Variants in TCF12 observed in about 807,000 individuals in gnomAD.
TCF12 encodes transcription factor 12, also known as DNA-binding protein HTF4.
Under a neutral mutation model 86.0 loss-of-function variants are expected in TCF12, and 45 were observed. The ratio of observed to expected loss-of-function variants is 0.52; its 90% CI spans 0.41 to 0.67. The LOEUF (loss-of-function observed/expected upper bound fraction) is 0.67, where lower values mean the gene tolerates loss of function less well. TCF12 is among the 30% of genes least tolerant of loss of function. The pLI is 0.00. For missense variants in TCF12, 881 were observed against 859.9 expected (o/e 1.02, Z -0.31); for synonymous variants, 330 against 299.6 (o/e 1.10, Z -1.05).
chr15:56,966,701 T>A (rs1382534494), intron 3 of TCF12, among the ~76,000 whole-genome samples: 2 of 152,218 alleles, frequency 1.3e-5, no homozygotes, highest in Non-Finnish European at 2.9e-5. Flanking sequence ...TTTTCTCACA[T>A]AGCAAAATTT....
intron 5 of TCF12, among the ~76,000 whole-genome samples, chr15:57,119,852 A>G (rs1291489749): frequency 6.6e-6 from 1 of 152,136 alleles, no homozygotes; most frequent in Admixed American, 6.5e-5. Context: ...AGTTGTTTAC[A>G]TTACTACATT....
intron 4 of TCF12, among the ~76,000 whole-genome samples, chr15:57,081,857 C>T (rs1567384168): frequency 6.6e-6 from 1 of 152,204 alleles, no homozygotes; most frequent in Non-Finnish European, 1.5e-5. Flanking sequence ...GCAAAAGCCA[C>T]TGCACCCGGC....
intron 3 of TCF12, among the ~76,000 whole-genome samples, chr15:56,990,561 TA>T (rs1278022311): frequency 4.6e-5 from 7 of 152,014 alleles, no homozygotes; most frequent in African/African-American, 1.7e-4. Flanking sequence ...AATCAGCAAT[TA>T]AAAAAATATT....
At chr15:56,984,681 T>A (rs1595967765) in intron 3 of TCF12, among the ~76,000 whole-genome samples, 1 of 152,176 alleles carries the variant, frequency 6.6e-6, no homozygotes, top group African/African-American at 2.4e-5. Flanking sequence ...ACCTTGCCTG[T>A]TAAAAAATGT....
intron 3 of TCF12, among the ~76,000 whole-genome samples, chr15:57,042,096 CT>C (rs2066931503): frequency 1.3e-5 from 2 of 152,070 alleles, no homozygotes; most frequent in Admixed American, 6.6e-5. Flanking sequence ...ACAAAAGTAC[CT>C]TTTACCTTAT....
At chr15:57,022,416 G>A (rs562362053) in intron 3 of TCF12, among the ~76,000 whole-genome samples, 31 of 152,232 alleles carry the variant, frequency 2.0e-4, no homozygotes, top group Non-Finnish European at 4.1e-4. Flanking sequence ...TTATGGCTGC[G>A]TAGTATTCCA....
intron 4 of TCF12, among the ~76,000 whole-genome samples, chr15:57,074,079 TCTTA>T (rs773439117): frequency 8.5e-5 from 13 of 152,112 alleles, no homozygotes; most frequent in African/African-American, 1.9e-4. Flanking sequence ...GGTACTGCCA[TCTTA>T]CTTCTTATAA....
chr15:57,051,422 G>T (rs1003247509), intron 3 of TCF12, among the ~76,000 whole-genome samples: 29 of 152,092 alleles, frequency 1.9e-4, no homozygotes, highest in Non-Finnish European at 1.5e-5. Flanking sequence ...TTTCCCATCC[G>T]TAATTTCCAG....
chr15:57,197,840 T>G lies in TCF12; in HGVS notation c.579+15T>G, dbSNP rs760053015. On this transcript the variant is annotated intron_variant, in intron 8 of 20. Transcript: ENST00000333725. ...TGCCTTCTTCTGTAAGTACCTATCT[T>G]TTTTTAACTTGATGGTAAACAAACT... 5.6e-6 allele frequency: 9 copies of G among 1,612,838 alleles called. No homozygotes were observed. The highest frequency in any genetic ancestry group is 7.6e-6 in the Non-Finnish European group (9 of 1,179,616).
intron 13 of TCF12, among the ~76,000 whole-genome samples, chr15:57,249,006 A>AC (rs1323282630): frequency 6.6e-6 from 1 of 152,344 alleles, no homozygotes; most frequent in East Asian, 1.9e-4. Context: ...GGCTTCTGTT[A>AC]CGGGGGGGCT....
At chr15:57,097,010 A>C (rs1303486852) in intron 5 of TCF12, among the ~76,000 whole-genome samples, 1 of 152,042 alleles carries the variant, frequency 6.6e-6, no homozygotes, top group African/African-American at 2.4e-5. Context: ...TTTTATTTCC[A>C]TTTCATTGTA....
At chr15:57,033,234 G>A (rs1217935191) in intron 3 of TCF12, among the ~76,000 whole-genome samples, 1 of 152,016 alleles carries the variant, frequency 6.6e-6, no homozygotes, top group African/African-American at 2.4e-5. Context: ...AAAATAGTGT[G>A]ATGCAAAAAA....
At chr15:57,114,478 TG>T (rs1336417309) in intron 5 of TCF12, among the ~76,000 whole-genome samples, 24 of 152,224 alleles carry the variant, frequency 1.6e-4, no homozygotes, top group African/African-American at 5.8e-4. Flanking sequence ...TTTATTTTTT[TG>T]TGGAGATGGG....
At chr15:57,149,907 G>A (rs79015942) in intron 5 of TCF12, among the ~76,000 whole-genome samples, 6,280 of 152,116 alleles carry the variant, frequency 0.041, 362 homozygotes, top group African/African-American at 0.13. Flanking sequence ...CTTTAAAGGG[G>A]GTGTGTGAAA....
At chr15:57,246,880 G>A in intron 13 of TCF12, 1 of 431,872 alleles carries the variant, frequency 2.3e-6, no homozygotes, top group Non-Finnish European at 4.5e-6. Flanking sequence ...TCGGACAACT[G>A]TCTCAAAGTA....
chr15:57,155,352 A>G (rs566815141), intron 5 of TCF12, among the ~76,000 whole-genome samples: 1 of 152,294 alleles, frequency 6.6e-6, no homozygotes, highest in South Asian at 2.1e-4. Context: ...TCACAAATCA[A>G]CTTTGGATTA....
intron 5 of TCF12, among the ~76,000 whole-genome samples, chr15:57,121,392 G>A (rs549149685): frequency 6.6e-6 from 1 of 152,300 alleles, no homozygotes; most frequent in South Asian, 2.1e-4. Flanking sequence ...GATGGTATCT[G>A]CTCCAAAATT....
chr15:57,127,195 C>T (rs2051725694), intron 5 of TCF12, among the ~76,000 whole-genome samples: 1 of 152,032 alleles, frequency 6.6e-6, no homozygotes, highest in African/African-American at 2.4e-5. Flanking sequence ...GTTGGCCAGG[C>T]TGGTCTCGAA....
rs142805062 is a variant in TCF12, at chr15:57,176,562, G to A, written c.390+10096G>A. 3.9e-4 allele frequency among the ~76,000 whole-genome samples: 59 copies of A among 152,270 alleles called. 1 individual carries two copies. The East Asian group carries it at 9.3e-3, about 24-fold the overall frequency. On this transcript the variant is annotated intron_variant, in intron 6 of 20. Coordinates refer to ENST00000333725, the MANE Select transcript of TCF12 (RefSeq NM_207037.2). ...CTCAAGTGGTGATATTGTTGCTGCTGTTGCGTCTGTTATTATTATTCCTCC... is the reference window on the plus strand; with the variant it reads ...CTCAAGTGGTGATATTGTTGCTGCTATTGCGTCTGTTATTATTATTCCTCC...
Sources: allele counts gnomAD v4.1 joint callset (sites outside exome capture counted in the v4.1 genomes callset), GRCh38; gene constraint gnomAD v4.1.1; transcripts MANE v1.5; gene names NCBI Gene and HGNC (gene_info 2026-07-23, HGNC 2026-07-21).